The following PCDH9 variants were observed in gnomAD, a reference collection of about 807,000 sequenced individuals.
PCDH9 encodes protocadherin 9.
A neutral mutation model predicts 70.6 loss-of-function variants in PCDH9; 24 were observed. The observed-to-expected ratio is 0.34, with a 90% CI of 0.25 to 0.48. The LOEUF is 0.48. Ranked by LOEUF, PCDH9 falls within the 20% of genes least tolerant of loss-of-function variation. PCDH9 has a pLI of 0.99. For synonymous variants in PCDH9, 562 were observed against 558.5 expected, an observed-to-expected ratio of 1.01 and a Z score of -0.09; for missense variants, 1,281 against 1,503.6, an observed-to-expected ratio of 0.85 and a Z score of 2.45.
chr13:67,115,798 G>T (rs9541007), intron 2 of PCDH9, among the ~76,000 whole-genome samples: 16,448 of 151,796 alleles, frequency 0.11, 945 homozygotes, highest in Non-Finnish European at 0.12. Context: ...TATCTTACTG[G>T]TTTCTTCATT....
chr13:66,737,782 T>C (rs986413562), intron 3 of PCDH9, among the ~76,000 whole-genome samples: 15 of 152,296 alleles, frequency 9.8e-5, no homozygotes, highest in Admixed American at 2.6e-4. Context: ...ATTGCGCTTT[T>C]CAGACCGGCT....
At chr13:66,740,748 G>A (rs2079249990) in intron 3 of PCDH9, among the ~76,000 whole-genome samples, 2 of 152,014 alleles carry the variant, frequency 1.3e-5, no homozygotes, top group South Asian at 4.2e-4. Context: ...TAGAAGAAAT[G>A]AATAAATTCC....
intron 3 of PCDH9, among the ~76,000 whole-genome samples, chr13:66,830,393 C>T (rs1356958591): frequency 6.6e-6 from 1 of 152,042 alleles, no homozygotes; most frequent in Non-Finnish European, 1.5e-5. Flanking sequence ...GCAGGTCACA[C>T]TAAATTTGTT....
At chr13:66,876,229 T>C (rs1205483727) in intron 3 of PCDH9, among the ~76,000 whole-genome samples, 1 of 152,100 alleles carries the variant, frequency 6.6e-6, no homozygotes, top group Non-Finnish European at 1.5e-5. Context: ...TGAATAATAT[T>C]CATCAAGAAT....
intron 2 of PCDH9, chr13:67,214,921 G>C (rs528960653): frequency 1.3e-5 from 1 of 77,172 alleles, no homozygotes; most frequent in South Asian, 4.0e-4. Flanking sequence ...TGAGTGTCTG[G>C]CTATTGCGAG....
At chr13:66,930,794 T>G (rs970904503) in intron 2 of PCDH9, among the ~76,000 whole-genome samples, 1 of 152,030 alleles carries the variant, frequency 6.6e-6, no homozygotes, top group Non-Finnish European at 1.5e-5. Context: ...TTTGTGTAGG[T>G]GTCCACATTT....
intron 2 of PCDH9, among the ~76,000 whole-genome samples, chr13:66,949,495 C>A (rs1288677222): frequency 1.3e-5 from 2 of 151,950 alleles, no homozygotes; most frequent in South Asian, 2.1e-4. Context: ...CAAGGTCTTA[C>A]AAATAAATGG....
At chr13:66,961,222 A>C (rs1348975290) in intron 2 of PCDH9, among the ~76,000 whole-genome samples, 1 of 152,174 alleles carries the variant, frequency 6.6e-6, no homozygotes, top group Non-Finnish European at 1.5e-5. Context: ...GTGGTATGAA[A>C]ACAATCAGAG....
At chr13:66,571,316 C>T (rs1344516609) in intron 4 of PCDH9, among the ~76,000 whole-genome samples, 1 of 151,900 alleles carries the variant, frequency 6.6e-6, no homozygotes, top group Non-Finnish European at 1.5e-5. Context: ...CATCTGGAAG[C>T]CTCTTTATGA....
chr13:66,678,287 C>A (rs922366201), intron 3 of PCDH9, among the ~76,000 whole-genome samples: 4 of 151,840 alleles, frequency 2.6e-5, no homozygotes, highest in Non-Finnish European at 4.4e-5. Context: ...TTATAGTCAA[C>A]AACTGTCATA....
intron 4 of PCDH9, among the ~76,000 whole-genome samples, chr13:66,371,148 A>G (rs1322097378): frequency 6.6e-6 from 1 of 152,130 alleles, no homozygotes; most frequent in Non-Finnish European, 1.5e-5. Flanking sequence ...CAAAAATAGC[A>G]CAAAGGTGGT....
At chr13:66,508,286 G>T (rs1010983564) in intron 4 of PCDH9, among the ~76,000 whole-genome samples, 8 of 152,162 alleles carry the variant, frequency 5.3e-5, no homozygotes, top group African/African-American at 1.9e-4. Flanking sequence ...CTGTTTAATA[G>T]ATGTAGGATT....
At chr13:66,418,802 C>G (rs140339068) in intron 4 of PCDH9, among the ~76,000 whole-genome samples, 1,858 of 147,078 alleles carry the variant, frequency 0.013, 32 homozygotes, top group African/African-American at 0.043. Flanking sequence ...AATCCAGGAG[C>G]TGGTTTTTTG....
intron 3 of PCDH9, among the ~76,000 whole-genome samples, chr13:66,870,001 C>G (rs1287795190): frequency 3.3e-5 from 5 of 152,092 alleles, no homozygotes; most frequent in Non-Finnish European, 1.5e-5. Flanking sequence ...CTTGCCCATC[C>G]CTATGTCCTG....
At chr13:67,031,096 G>A (rs8001464) in intron 2 of PCDH9, among the ~76,000 whole-genome samples, 5,602 of 152,188 alleles carry the variant, frequency 0.037, 182 homozygotes, top group African/African-American at 0.088. Context: ...ATTTGCAGAA[G>A]CTTTGAGTTA....
At chr13:67,128,579 T>G (rs190143038) in intron 2 of PCDH9, among the ~76,000 whole-genome samples, 47 of 152,324 alleles carry the variant, frequency 3.1e-4, no homozygotes, top group Admixed American at 2.0e-3. Flanking sequence ...TATCACTCAG[T>G]GGGGTTATTA....
intron 3 of PCDH9, among the ~76,000 whole-genome samples, chr13:66,803,438 CA>C (rs2080358140): frequency 6.6e-6 from 1 of 152,090 alleles, no homozygotes; most frequent in Non-Finnish European, 1.5e-5. Flanking sequence ...TTCTGGACAC[CA>C]AAGCCTTAAT....
chr13:66,400,766 C>A (rs899460751), intron 4 of PCDH9, among the ~76,000 whole-genome samples: 1 of 151,910 alleles, frequency 6.6e-6, no homozygotes, highest in Non-Finnish European at 1.5e-5. Context: ...AATGATTATA[C>A]AGCAAATATA....
chr13:66,442,847 G>A (rs1015079142), intron 4 of PCDH9, among the ~76,000 whole-genome samples: 2 of 152,098 alleles, frequency 1.3e-5, no homozygotes, highest in African/African-American at 4.8e-5. Context: ...TTTAGTCATT[G>A]ACAAAAAGAA....
Sources: allele counts gnomAD v4.1 joint callset (sites outside exome capture counted in the v4.1 genomes callset), GRCh38; gene constraint gnomAD v4.1.1; transcripts MANE v1.5; gene names NCBI Gene and HGNC (gene_info 2026-07-23, HGNC 2026-07-21).